Variants in MYORG observed in about 807,000 individuals in gnomAD.
The protein encoded by MYORG is alpha-galactosidase MYORG.
Under a neutral mutation model 49.8 loss-of-function variants are expected in MYORG, and 45 were observed. That is an observed-to-expected ratio of 0.90 (90% CI 0.71 to 1.16). The LOEUF is 1.16. Among genes scored for constraint, MYORG ranks in the 50% most tolerant of loss-of-function variants. The pLI is 0.00. For missense variants in MYORG, 1,110 were observed against 1,026.5 expected (o/e 1.08, Z -1.11); for synonymous variants, 552 against 462.9 (o/e 1.19, Z -2.47).
rs1273284080 is a variant in MYORG, at chr9:34,371,359, G to C, written c.1585C>G (p.Leu529Val). 1 of 1,613,124 alleles carries C rather than the reference G, an allele frequency of 6.2e-7. No individual in the cohort carries two copies. The highest frequency in any genetic ancestry group is 1.7e-5 in the Admixed American group (1 of 59,964). Reference sequence around the variant, plus strand: ...GCGGGGATGAGTGAGCGCAACCCCAGGTCGTAGCCCCACACAGAGTCGCGA... The same window carrying C: ...GCGGGGATGAGTGAGCGCAACCCCACGTCGTAGCCCCACACAGAGTCGCGA... ...VDRDSVWGYD[L>V]GLRSLIPAVL... The change falls in exon 2 of 2, where the codon CTG (leucine) becomes GTG (valine). Residue 529 changes from leucine (L) to valine (V), a missense_variant. Leu to Val is a conservative substitution (Grantham distance 32, BLOSUM62 1). Transcript: ENST00000297625.
Position 34,370,601 on chromosome 9 carries a change from T to C in MYORG, c.*198A>G, listed in dbSNP as rs1367646117. 3.2e-6 allele frequency: 3 copies of C among 932,170 alleles called. No individual in the cohort carries two copies. Among genetic ancestry groups the C allele is most frequent in the East Asian group, 2.7e-5 (1 of 36,798 alleles). The allele number at this position is 932,170 out of a possible 1,614,324, so 57.7% of individuals were successfully genotyped here. ...GAAAGGGCACAGTAAGGATTGTGCG[T>C]TGGAGCAGGAGATTGCTTCAGTGCC... On this transcript the variant is annotated 3_prime_UTR_variant, in exon 2 of 2. Transcript: ENST00000297625.
rs1390984560 is a variant in MYORG at position 34,372,041 on chromosome 9, G to A, written c.903C>T (p.Phe301=). The A allele has an allele frequency of 6.2e-7, 1 of 1,613,948 alleles. No homozygotes were observed. Among genetic ancestry groups the A allele is most frequent in the Non-Finnish European group, 8.5e-7 (1 of 1,179,878 alleles). The change falls in exon 2 of 2, where the codon TTC becomes TTT. Residue 301 remains phenylalanine, a synonymous_variant. Coordinates refer to ENST00000297625, the MANE Select transcript of MYORG (RefSeq NM_020702.5). ...GTGCTGGCACCCTTGACGGCTTGTT[G>A]AAGTAGCGACGCACCATGTACTTGT... ...SIHKYMVRRY[F]NKPSRVPAPE... is the part of the protein sequence containing the mutation.
chr9:34,370,803 G>C lies in MYORG; in HGVS notation c.2141C>G (p.Ser714Cys), dbSNP rs763997134. The C allele has an allele frequency of 1.3e-6, 2 of 1,572,722 alleles. No individual in the cohort carries two copies. The highest frequency in any genetic ancestry group is 2.3e-5 in the East Asian group (1 of 44,186). ...LDEIAYFTWA[S>C] ...GTTACCGGGCCCTGGGCTGGGTCAG[G>C]ACGCCCAGGTAAAGTAGGCGATCTC... Residue 714 changes from serine (S) to cysteine (C), a missense_variant, in exon 2 of 2, where the codon TCC becomes TGC. By Grantham distance (112) the Ser-to-Cys change is moderately radical. Coordinates refer to ENST00000297625, the MANE Select transcript of MYORG (RefSeq NM_020702.5).
At chr9:34,374,629 T>C (rs10814108) in intron 1 of MYORG, among the ~76,000 whole-genome samples, 35,344 of 151,690 alleles carry the variant, frequency 0.23, 4,781 homozygotes, top group East Asian at 0.57. Flanking sequence ...ACGGTGCTCA[T>C]GCCTGTAATC....
rs768700501 is a variant in MYORG at position 34,370,980 on chromosome 9, A to T, written c.1964T>A (p.Leu655His). The change falls in exon 2 of 2, where the codon CTT becomes CAT. Residue 655 changes from leucine to histidine, a missense_variant. Leu to His is a moderately conservative substitution (Grantham distance 99). Transcript: ENST00000297625. Reference protein sequence around the residue: ...ETAHRIDSQFLIGDTLLVAPV... With the variant: ...ETAHRIDSQFHIGDTLLVAPV... Reference sequence around the variant, plus strand: ...GGCCACAAGCAGCGTGTCCCCAATAAGGAACTGCGAGTCGATACGGTGAGC... The same window carrying T: ...GGCCACAAGCAGCGTGTCCCCAATATGGAACTGCGAGTCGATACGGTGAGC... 1 of 1,613,542 alleles carries T rather than the reference A, an allele frequency of 6.2e-7. No homozygotes were observed. Among genetic ancestry groups the T allele is most frequent in the Admixed American group, 1.7e-5 (1 of 60,032 alleles).
rs1563982076 is a variant in MYORG, at chr9:34,371,881, T to G, written c.1063A>C (p.Met355Leu). The G allele has an allele frequency of 1.2e-6, 2 of 1,614,042 alleles. No individual in the cohort carries two copies. Among genetic ancestry groups the G allele is most frequent in the South Asian group, 2.2e-5 (2 of 91,090 alleles). ...AAGTCGCCATAAGCAGGTGTGTACA[T>G]GTCGTCGATTTCCAGGTGGCTGCTG... is the stretch of plus-strand genomic sequence containing the variant. Reference protein sequence around the residue: ...FNSSHLEIDDMYTPAYGDFDF... With the variant: ...FNSSHLEIDDLYTPAYGDFDF... The change falls in exon 2 of 2, where the codon ATG (methionine) becomes CTG (leucine). Residue 355 changes from methionine to leucine, a missense_variant. By Grantham distance (15) the Met-to-Leu change is conservative (BLOSUM62 2). Transcript: ENST00000297625.
chr9:34,376,197 C>T lies in MYORG; in HGVS notation c.-64+596G>A, dbSNP rs543924162. Among the ~76,000 whole-genome samples the T allele has an allele frequency of 6.6e-6, 1 of 152,322 alleles. No individual in the cohort carries two copies. The highest frequency in any genetic ancestry group is 1.9e-4 in the East Asian group (1 of 5,180). ...CTTGCTCCACGCGGACCACGAAGAC[C>T]ACGAGGGCAGCAAAGAGGGCAATTT... On this transcript the variant is annotated intron_variant, in intron 1 of 1. Transcript: ENST00000297625. The surrounding 1 kb of genome is among the most constrained non-coding windows in gnomAD (Gnocchi z 4.4).
chr9:34,374,750 A>AC (rs1820693128), intron 1 of MYORG, among the ~76,000 whole-genome samples: 2 of 151,684 alleles, frequency 1.3e-5, no homozygotes, highest in Admixed American at 1.3e-4. Flanking sequence ...AAAAAAAAAA[A>AC]AATTAGCCAG....
At position 34,376,786 on chromosome 9, in the gene MYORG, GGC is replaced by G. The variant is rs1247182949; in HGVS notation, c.-64+5_-64+6del. 1 of 152,096 alleles carries G rather than the reference GGC, an allele frequency of 6.6e-6. No homozygotes were observed. Among genetic ancestry groups the G allele is most frequent in the African/African-American group, 2.4e-5 (1 of 41,382 alleles). The allele number at this position is 152,096 out of a possible 1,614,324, so 9.4% of individuals were successfully genotyped here. On this transcript the variant is annotated splice_donor_5th_base_variant and intron_variant, in intron 1 of 1. Transcript: ENST00000297625. The surrounding 1 kb of genome is among the most constrained non-coding windows in gnomAD (Gnocchi z 4.4). ...CCCGCCCCCCACAGCCCTCCCGCTG[GGC>G]TCACCCATTGCAGTTACAGCCCGGC... is the stretch of plus-strand genomic sequence containing the variant.
In MYORG at chr9:34,367,887, G is replaced by C. The variant is rs999308801; in HGVS notation, c.*2912C>G. 2 of 152,204 alleles carry C rather than the reference G, an allele frequency of 1.3e-5. No homozygotes were observed. The highest frequency in any genetic ancestry group is 4.8e-5 in the African/African-American group (2 of 41,448). The allele number at this position is 152,204 out of a possible 1,614,324, so 9.4% of individuals were successfully genotyped here. ...GTCCCAGTGGGGTCTCTGTGTGGGG[G>C]CTTCCCCTTCCACATTGCCTTAACA... On this transcript the variant is annotated 3_prime_UTR_variant, in exon 2 of 2. Transcript: ENST00000297625.
Position 34,372,216 on chromosome 9 carries a change from A to G in MYORG, c.728T>C (p.Val243Ala), listed in dbSNP as rs1820621091. 3 of 1,611,864 alleles carry G rather than the reference A, an allele frequency of 1.9e-6. No individual in the cohort carries two copies. In the African/African-American group the frequency reaches 4.0e-5, roughly 22 times the overall value. ...RAAAIKVNDS[V>A]PFHLGWNSTE... is the part of the protein sequence containing the mutation. ...GCTGTTCCAGCCCAGGTGGAAGGGCACTGAGTCATTGACTTTGATGGCGGC... is the reference window on the plus strand; with the variant it reads ...GCTGTTCCAGCCCAGGTGGAAGGGCGCTGAGTCATTGACTTTGATGGCGGC... The change falls in exon 2 of 2, where the codon GTG becomes GCG. Residue 243 changes from valine to alanine, a missense_variant. Coordinates refer to ENST00000297625, the MANE Select transcript of MYORG (RefSeq NM_020702.5).
rs756514041 is a variant in MYORG at position 34,372,753 on chromosome 9, C to G, written c.191G>C (p.Gly64Ala). The change falls in exon 2 of 2, where the codon GGG becomes GCG. Residue 64 changes from glycine (G) to alanine (A), a missense_variant. Physicochemically the swap from Gly to Ala is moderately conservative, Grantham distance 60 (BLOSUM62 0). Transcript: ENST00000297625. ...LKPLLGSAVL[G>A]LLLVLAAVVA... ...CACCGCGGCCAGCACAAGCAGCAGC[C>G]CCAGAACCGCGGAGCCCAGCAGCGG... 7 of 1,613,842 alleles carry G rather than the reference C, an allele frequency of 4.3e-6. No individual in the cohort carries two copies. In the Admixed American group the frequency reaches 6.7e-5, roughly 15 times the overall value.
In MYORG at chr9:34,372,524, C is replaced by G; in HGVS notation, c.420G>C (p.Gly140=). The part of the protein sequence containing the change: ...ALLGCSLTAD[G]LPLHFFIQTV... ...TCTGGATGAAGAAGTGCAGCGGCAG[C>G]CCGTCGGCCGTGAGCGAGCAGCCCA... Residue 140 remains glycine, a synonymous_variant, in exon 2 of 2, where the codon GGG becomes GGC. Transcript: ENST00000297625. The G allele has an allele frequency of 1.9e-6, 3 of 1,600,686 alleles. No individual in the cohort carries two copies. Among genetic ancestry groups the G allele is most frequent in the Non-Finnish European group, 1.7e-6 (2 of 1,174,508 alleles).
intron 1 of MYORG, among the ~76,000 whole-genome samples, chr9:34,374,124 C>G (rs995438674): frequency 6.6e-6 from 1 of 152,204 alleles, no homozygotes; most frequent in Non-Finnish European, 1.5e-5. Context: ...TACTTCCTCG[C>G]TCTGTTTCAC....
chr9:34,371,059 T>C lies in MYORG; in HGVS notation c.1885A>G (p.Thr629Ala). The change falls in exon 2 of 2, where the codon ACG becomes GCG. Residue 629 changes from threonine to alanine, a missense_variant. Coordinates refer to ENST00000297625, the MANE Select transcript of MYORG (RefSeq NM_020702.5). ...LLELAGEVTD[T>A]GDPIVRPLWW... ...AGGGGGCGCACGATAGGGTCACCCG[T>C]GTCGGTGACCTCGCCCGCCAGCTCA... The C allele has an allele frequency of 6.2e-7, 1 of 1,611,702 alleles. No homozygotes were observed. Among genetic ancestry groups the C allele is most frequent in the Non-Finnish European group, 8.5e-7 (1 of 1,179,094 alleles).
Position 34,371,531 on chromosome 9 carries a change from C to T in MYORG, c.1413G>A (p.Pro471=), listed in dbSNP as rs767224436. 6.2e-7 allele frequency: 1 copy of T among 1,607,270 alleles called. No homozygotes were observed. The highest frequency in any genetic ancestry group is 8.5e-7 in the Non-Finnish European group (1 of 1,179,312). Reference sequence around the variant, plus strand: ...GCGGCCGGTAGGTGCTGAAGTCCCGCGGCAGGTAGCTGACCTCGCCCGCGT... The same window carrying T: ...GCGGCCGGTAGGTGCTGAAGTCCCGTGGCAGGTAGCTGACCTCGCCCGCGT... The part of the protein sequence containing the change: ...KFDAGEVSYL[P]RDFSTYRPLP... The change falls in exon 2 of 2, where the codon CCG becomes CCA. Residue 471 remains proline, a synonymous_variant. Coordinates refer to ENST00000297625, the MANE Select transcript of MYORG (RefSeq NM_020702.5).
rs1441263177 is a variant in MYORG, at chr9:34,372,101, G to A, written c.843C>T (p.Tyr281=). ...AGRAAAPELS[Y]RVCVGSDVTS... ...TGACGTCTGAGCCCACGCACACTCG[G>A]TAGCTCAGCTCTGGCGCTGCGGCGC... Residue 281 remains tyrosine (Y), a synonymous_variant, in exon 2 of 2, where the codon TAC becomes TAT. Transcript: ENST00000297625. The A allele has an allele frequency of 1.9e-6, 3 of 1,613,162 alleles. No individual in the cohort carries two copies. Among genetic ancestry groups the A allele is most frequent in the Non-Finnish European group, 2.5e-6 (3 of 1,179,862 alleles).
chr9:34,369,513 C>T lies in MYORG; in HGVS notation c.*1286G>A, dbSNP rs1267242022. On this transcript the variant is annotated 3_prime_UTR_variant, in exon 2 of 2. Transcript: ENST00000297625. Reference sequence around the variant, plus strand: ...CTGGCCAACATGGTAAACCCCATCTCTACTAAAAAATACAAAAAGCCAGGC... The same window carrying T: ...CTGGCCAACATGGTAAACCCCATCTTTACTAAAAAATACAAAAAGCCAGGC... The T allele has an allele frequency of 6.6e-6, 1 of 152,128 alleles. No individual in the cohort carries two copies. The highest frequency in any genetic ancestry group is 1.5e-5 in the Non-Finnish European group (1 of 68,100). 9.4% of individuals were successfully genotyped at this position (152,128 alleles called of 1,614,324 possible).
In MYORG at chr9:34,369,807, A is replaced by T. The variant is rs1475346478; in HGVS notation, c.*992T>A. ...CTCCCTTCTAGGCCACACCCCAGGC[A>T]CATGTGCAGGGGGTGAGGCAGCTGA... On this transcript the variant is annotated 3_prime_UTR_variant, in exon 2 of 2. Coordinates refer to ENST00000297625, the MANE Select transcript of MYORG (RefSeq NM_020702.5). The T allele has an allele frequency of 6.6e-6, 1 of 152,236 alleles. No homozygotes were observed. The allele number at this position is 152,236 out of a possible 1,614,324, so 9.4% of individuals were successfully genotyped here.
Sources: allele counts gnomAD v4.1 joint callset (sites outside exome capture counted in the v4.1 genomes callset), GRCh38; gene constraint gnomAD v4.1.1; non-coding constraint Gnocchi (gnomAD v3.1); transcripts MANE v1.5; gene names NCBI Gene and HGNC (gene_info 2026-07-23, HGNC 2026-07-21).